RBM20: variants seen among roughly 807,000 people sequenced by gnomAD.
The protein encoded by RBM20 is RNA-binding protein 20.
A neutral mutation model predicts 110.1 loss-of-function variants in RBM20; 51 were observed. The ratio of observed to expected loss-of-function variants is 0.46; its 90% CI spans 0.37 to 0.59. The LOEUF is 0.59. Among genes scored for constraint, RBM20 ranks in the 20% least tolerant of loss-of-function variants. The probability of loss-of-function intolerance (pLI) is 0.00; values close to 1 mark genes in which losing one functional copy is unlikely to be tolerated. For missense variants in RBM20, 1,512 were observed against 1,574.9 expected (o/e 0.96, Z 0.68); for synonymous variants, 589 against 618.2 (o/e 0.95, Z 0.70).
chr10:110,821,102 C>T (rs1021796633), intron 10 of RBM20, among the ~76,000 whole-genome samples, 173 bp from the exon 11 acceptor site: 5 of 152,184 alleles, frequency 3.3e-5, no homozygotes. Context: ...TTGAGCATCA[C>T]CCTAAAGATG....
chr10:110,736,968 A>G (rs1386386341), intron 1 of RBM20, among the ~76,000 whole-genome samples: 1 of 151,814 alleles, frequency 6.6e-6, no homozygotes, highest in Non-Finnish European at 1.5e-5. Context: ...TGAGGTCAGG[A>G]GTTCGATACC....
chr10:110,792,548 T>C (rs1238068608), intron 5 of RBM20, among the ~76,000 whole-genome samples: 1 of 152,186 alleles, frequency 6.6e-6, no homozygotes, highest in Non-Finnish European at 1.5e-5. Context: ...ATTCAGTAAC[T>C]GGCCCACAGT....
chr10:110,834,319 C>T (rs1256387081), intron 13 of RBM20, among the ~76,000 whole-genome samples: 1 of 141,874 alleles, frequency 7.0e-6, no homozygotes, highest in East Asian at 1.9e-4. Context: ...TGCTCTTCTC[C>T]TAGTCAGGCT....
intron 10 of RBM20, among the ~76,000 whole-genome samples, chr10:110,820,787 T>C (rs956214512): frequency 6.6e-6 from 1 of 152,068 alleles, no homozygotes; most frequent in Non-Finnish European, 1.5e-5. Flanking sequence ...TGGGAGTCCA[T>C]GGGCTGCTGC....
intron 1 of RBM20, among the ~76,000 whole-genome samples, chr10:110,759,365 C>A (rs1258864743): frequency 6.6e-6 from 1 of 152,130 alleles, no homozygotes; most frequent in Non-Finnish European, 1.5e-5. Flanking sequence ...GAGTAGTCAG[C>A]CCTGGTTTTA....
chr10:110,772,479 C>T (rs1354080894), intron 1 of RBM20, among the ~76,000 whole-genome samples: 7 of 152,192 alleles, frequency 4.6e-5, no homozygotes, highest in African/African-American at 1.7e-4. Flanking sequence ...TATAATACTG[C>T]ATTTTTACTG....
chr10:110,731,113 C>T (rs758773797), intron 1 of RBM20, among the ~76,000 whole-genome samples: 44 of 152,196 alleles, frequency 2.9e-4, no homozygotes, highest in Non-Finnish European at 5.1e-4. Context: ...TATTTTTTCT[C>T]GGTATGAAAG....
chr10:110,709,417 G>T (rs940291857), intron 1 of RBM20, among the ~76,000 whole-genome samples: 1 of 152,192 alleles, frequency 6.6e-6, no homozygotes, highest in Non-Finnish European at 1.5e-5. Context: ...ACACTGGCCA[G>T]CATTGCTGCC....
At chr10:110,799,457 T>G (rs549871964) in intron 6 of RBM20, among the ~76,000 whole-genome samples, 1 of 152,318 alleles carries the variant, frequency 6.6e-6, no homozygotes, top group South Asian at 2.1e-4. Flanking sequence ...CTTTTTTTCC[T>G]TTTAAGTGAG....
chr10:110,705,359 A>G (rs1862820497), intron 1 of RBM20, among the ~76,000 whole-genome samples: 1 of 152,244 alleles, frequency 6.6e-6, no homozygotes, highest in Admixed American at 6.5e-5. Flanking sequence ...TAAATATACT[A>G]CTCAGATCCA....
chr10:110,766,282 T>A (rs905613849), intron 1 of RBM20, among the ~76,000 whole-genome samples: 21 of 152,188 alleles, frequency 1.4e-4, no homozygotes, highest in Non-Finnish European at 2.9e-4. Flanking sequence ...CGTTGTGAGG[T>A]TGTCTTTTAG....
At chr10:110,733,119 G>A (rs1429617632) in intron 1 of RBM20, among the ~76,000 whole-genome samples, 1 of 152,164 alleles carries the variant, frequency 6.6e-6, no homozygotes, top group Non-Finnish European at 1.5e-5. Context: ...AAGCTTGTAA[G>A]GCTCTGAAAG....
At chr10:110,829,644 G>C (rs2031128) in intron 12 of RBM20, among the ~76,000 whole-genome samples, 25,589 of 152,094 alleles carry the variant, frequency 0.17, 2,319 homozygotes, top group East Asian at 0.34. Flanking sequence ...GACAAGTCTA[G>C]GCTGCTTCCT....
intron 1 of RBM20, among the ~76,000 whole-genome samples, chr10:110,717,503 G>A (rs527639129): frequency 6.6e-5 from 10 of 152,320 alleles, no homozygotes; most frequent in African/African-American, 2.4e-4. Context: ...AGAGCTTACT[G>A]TAGAGATGAC....
intron 1 of RBM20, among the ~76,000 whole-genome samples, chr10:110,767,025 C>T (rs1413063631): frequency 4.4e-5 from 3 of 68,190 alleles, no homozygotes; most frequent in Non-Finnish European, 6.5e-5. Flanking sequence ...CCAGTAGGGG[C>T]GGCCGGGCAG....
chr10:110,744,472 C>T (rs932146260), intron 1 of RBM20, among the ~76,000 whole-genome samples: 1 of 152,218 alleles, frequency 6.6e-6, no homozygotes, highest in African/African-American at 2.4e-5. Context: ...AAAGTTAATA[C>T]CTTTGAACAT....
intron 1 of RBM20, among the ~76,000 whole-genome samples, chr10:110,655,787 G>A (rs564928643): frequency 3.9e-5 from 6 of 152,134 alleles, no homozygotes; most frequent in African/African-American, 1.4e-4. Context: ...TTTGATCTGC[G>A]ACAGGGTTTA....
intron 10 of RBM20, 78 bp downstream of exon 10, chr10:110,820,254 C>A: frequency 1.1e-6 from 1 of 944,938 alleles, no homozygotes; most frequent in Non-Finnish European, 1.7e-6. Flanking sequence ...TGGTGATGTC[C>A]TGCTGGATGG....
At position 110,784,561 on chromosome 10, in the gene RBM20, C is replaced by A. The variant is rs142091562; in HGVS notation, c.1429+129C>A. 5.1e-3 allele frequency: 3,960 copies of A among 769,982 alleles called. 29 individuals carry two copies. Among genetic ancestry groups the A allele is most frequent in the Non-Finnish European group, 5.7e-3 (2,548 of 448,280 alleles). 47.7% of individuals were successfully genotyped at this position (769,982 alleles called of 1,614,324 possible). On this transcript the variant is annotated intron_variant, in intron 4 of 13. Transcript: ENST00000369519. ...TCACGGATGTAGAAAGCAAACAGAT[C>A]CCAAGACACTAAAATGCATTGGGCC...
Sources: gnomAD v4.1 joint callset for allele counts (sites outside exome capture counted in the v4.1 genomes callset) on GRCh38, gnomAD v4.1.1 for gene constraint, MANE v1.5 for transcripts, NCBI Gene and HGNC (gene_info 2026-07-23, HGNC 2026-07-21) for gene names.